The following TAB2 variants were observed in gnomAD, a reference collection of about 807,000 sequenced individuals.
TAB2 encodes the protein TGF-beta-activated kinase 1 and MAP3K7-binding protein 2.
In TAB2, 3 loss-of-function variants were observed where a neutral mutation model predicts 65.0. That is an observed-to-expected ratio of 0.05 (90% CI 0.02 to 0.12). The LOEUF is 0.12. Ranked by LOEUF, TAB2 falls within the 10% of genes least tolerant of loss-of-function variation. The probability of loss-of-function intolerance (pLI) is 1.00; values close to 1 mark genes in which losing one functional copy is unlikely to be tolerated. For synonymous variants in TAB2, 298 were observed against 285.1 expected, an observed-to-expected ratio of 1.05 and a Z score of -0.46; for missense variants, 623 against 840.3, an observed-to-expected ratio of 0.74 and a Z score of 3.20.
At chr6:149,310,247 G>A (rs565142573) in intron 1 of TAB2, among the ~76,000 whole-genome samples, 11 of 152,196 alleles carry the variant, frequency 7.2e-5, no homozygotes, top group East Asian at 1.9e-4. Context: ...TAAGGTGGGA[G>A]GATCGCTTGA....
intron 1 of TAB2, among the ~76,000 whole-genome samples, chr6:149,323,680 T>G (rs2114733714): frequency 6.6e-6 from 1 of 152,320 alleles, no homozygotes; most frequent in Non-Finnish European, 1.5e-5. Context: ...ACCTAAAGAA[T>G]AATAATTTTA....
At position 149,290,414 on chromosome 6, in the gene TAB2, T is replaced by C. The variant is rs200857248; in HGVS notation, c.-121+71638T>C. 2.6e-5 allele frequency among the ~76,000 whole-genome samples: 4 copies of C among 152,204 alleles called. No homozygotes were observed. The East Asian group carries it at 7.7e-4, about 29-fold the overall frequency. The stretch of plus-strand genomic sequence containing the variant: ...TTTTCCCTGTTTTTCTCAATAACAA[T>C]TATCACCATCCTATAGATTTACTAA... On this transcript the variant is annotated intron_variant, in intron 1 of 1. Coordinates refer to the TAB2 transcript ENST00000606202.
At chr6:149,387,325 A>G (rs1781837229) in intron 3 of TAB2, among the ~76,000 whole-genome samples, 2 of 152,204 alleles carry the variant, frequency 1.3e-5, no homozygotes, top group Non-Finnish European at 2.9e-5. Flanking sequence ...ATTCTTTTGC[A>G]TGTGGCTATC....
chr6:149,277,311 T>A (rs1778494197), intron 1 of TAB2, among the ~76,000 whole-genome samples: 1 of 152,106 alleles, frequency 6.6e-6, no homozygotes, highest in Non-Finnish European at 1.5e-5. Context: ...TTAAATAAAA[T>A]AAGATGCATT....
In TAB2 at chr6:149,363,743, A is replaced by G. The variant is rs376580736; in HGVS notation, c.-89-6166A>G. On this transcript the variant is annotated intron_variant, in intron 1 of 6. Coordinates refer to ENST00000637181, the MANE Select transcript of TAB2 (RefSeq NM_001292034.3). ...TCAGGTTTTAATTAACGCCAGTACC[A>G]CAGATGCACCTCACATTTTTCTCTG... is the stretch of plus-strand genomic sequence containing the variant. Among the ~76,000 whole-genome samples, 260 of 152,256 alleles carry G rather than the reference A, an allele frequency of 1.7e-3. 1 individual carries two copies. The highest frequency in any genetic ancestry group is 5.9e-3 in the African/African-American group (246 of 41,524).
intron 1 of TAB2, among the ~76,000 whole-genome samples, chr6:149,266,110 CAATT>C (rs1272897573): frequency 6.6e-6 from 1 of 152,104 alleles, no homozygotes; most frequent in Non-Finnish European, 1.5e-5. Context: ...TAAGTCAAAA[CAATT>C]AAAGGAACAG....
At chr6:149,222,815 CTCTCAA>C (rs984219624) in intron 1 of TAB2, among the ~76,000 whole-genome samples, 3 of 152,176 alleles carry the variant, frequency 2.0e-5, no homozygotes, top group African/African-American at 7.2e-5. Context: ...CTGTGTCTCT[CTCTCAA>C]TCTCTCTCTT....
chr6:149,219,306 TTGTGTG>T (rs3064238), intron 1 of TAB2, among the ~76,000 whole-genome samples: 35,840 of 146,108 alleles, frequency 0.25, 4,647 homozygotes, highest in Admixed American at 0.37. Context: ...ATTTTAACAT[TTGTGTG>T]TGTGTGTGTG....
At chr6:149,406,176 C>T (rs1000228061) in intron 6 of TAB2, among the ~76,000 whole-genome samples, 3 of 152,196 alleles carry the variant, frequency 2.0e-5, no homozygotes, top group Admixed American at 2.0e-4. Context: ...GCAATAAATA[C>T]TCCAGACTTA....
chr6:149,376,541 A>ATTGTTG (rs1234112688), intron 2 of TAB2, among the ~76,000 whole-genome samples: 2 of 152,134 alleles, frequency 1.3e-5, no homozygotes, highest in Non-Finnish European at 2.9e-5. Context: ...TTCACCAAGA[A>ATTGTTG]TTGTTGTTGT....
At chr6:149,326,917 A>AC (rs1779637890) in intron 1 of TAB2, among the ~76,000 whole-genome samples, 2 of 152,228 alleles carry the variant, frequency 1.3e-5, no homozygotes, top group South Asian at 4.1e-4. Context: ...TATTTAGAAA[A>AC]CCTAACATTT....
intron 3 of TAB2, among the ~76,000 whole-genome samples, chr6:149,387,684 A>G (rs538405759): frequency 3.3e-5 from 5 of 152,298 alleles, no homozygotes; most frequent in East Asian, 3.9e-4. Context: ...ATTTTCCTAC[A>G]TACTTGCTTT....
At position 149,310,577 on chromosome 6, in the gene TAB2, A is replaced by T. The variant is rs750823274; in HGVS notation, c.-120-67441A>T. Among the ~76,000 whole-genome samples, 234 of 137,128 alleles carry T rather than the reference A, an allele frequency of 1.7e-3. 1 individual carries two copies. The highest frequency in any genetic ancestry group is 5.5e-3 in the African/African-American group (188 of 34,126). The allele number at this position is 137,128 out of a possible 152,430, so 90.0% of individuals were successfully genotyped here. A position where few individuals can be genotyped will look rare whatever the true frequency, so the allele number is the denominator to read the frequency against. On this transcript the variant is annotated intron_variant, in intron 1 of 1. Transcript: ENST00000606202. ...GGAAAATAATATATATATTTTTTTTAAAATTGCATTTACATGATTACCAAT... is the reference window on the plus strand; with the variant it reads ...GGAAAATAATATATATATTTTTTTTTAAATTGCATTTACATGATTACCAAT...
At chr6:149,283,049 A>G (rs79752959) in intron 1 of TAB2, among the ~76,000 whole-genome samples, 1 of 152,212 alleles carries the variant, frequency 6.6e-6, no homozygotes, top group Admixed American at 6.5e-5. Context: ...GGCTAACTAG[A>G]AAGAGTGATT....
chr6:149,230,806 C>T (rs1228402437), intron 1 of TAB2, among the ~76,000 whole-genome samples: 3 of 152,160 alleles, frequency 2.0e-5, no homozygotes, highest in Middle Eastern at 3.2e-3. Context: ...TATTGGACCC[C>T]GCTTTTGACA....
chr6:149,247,873 A>G (rs995849275), intron 1 of TAB2: 1 of 152,156 alleles, frequency 6.6e-6, no homozygotes, highest in African/African-American at 2.4e-5. Flanking sequence ...ATCCGCTGGG[A>G]TACAGGGAGG....
intron 1 of TAB2, among the ~76,000 whole-genome samples, chr6:149,324,599 G>A (rs1184194474): frequency 1.3e-5 from 2 of 152,060 alleles, no homozygotes; most frequent in Non-Finnish European, 2.9e-5. Flanking sequence ...AGAGCCAGTG[G>A]CAGGGCAGTT....
intron 6 of TAB2, 65 bp from the exon 7 acceptor site, chr6:149,409,512 G>T: frequency 1.3e-6 from 2 of 1,481,796 alleles, no homozygotes; most frequent in Non-Finnish European, 1.9e-6. Flanking sequence ...GGTGTTTAAA[G>T]TTGCCTGTAA....
At chr6:149,275,286 A>AAGAAAGAAAGAAAGATAGAT (rs1554255842) in intron 1 of TAB2, among the ~76,000 whole-genome samples, 36 of 146,736 alleles carry the variant, frequency 2.5e-4, no homozygotes, top group African/African-American at 9.0e-4. Context: ...GAAAGAAAGA[A>AAGAAAGAAAGAAAGATAGAT]AGAAAGAAAG....
Sources: allele counts gnomAD v4.1 joint callset (sites outside exome capture counted in the v4.1 genomes callset), GRCh38; gene constraint gnomAD v4.1.1; transcripts MANE v1.5; gene names NCBI Gene and HGNC (gene_info 2026-07-23, HGNC 2026-07-21).